Variants in TFB2M observed in about 807,000 individuals in gnomAD.
The protein encoded by TFB2M is transcription factor B2, mitochondrial.
TFB2M carries 44 observed loss-of-function variants against 41.3 expected under a neutral mutation model. The ratio of observed to expected loss-of-function variants is 1.07; its 90% confidence interval spans 0.84 to 1.37. The LOEUF is 1.37. TFB2M is among the 40% of genes most tolerant of loss of function. The pLI, the probability that TFB2M is intolerant of heterozygous loss-of-function variation, is 0.00. For synonymous variants in TFB2M, 188 were observed against 176.8 expected, an observed-to-expected ratio of 1.06 and a Z score of -0.50; for missense variants, 496 against 490.2, an observed-to-expected ratio of 1.01 and a Z score of -0.11.
chr1:246,540,855 C>A lies in TFB2M; in HGVS notation c.*176G>T. 1 of 490,202 alleles carries A rather than the reference C, an allele frequency of 2.0e-6. No homozygotes were observed. The highest frequency in any genetic ancestry group is 3.5e-6 in the Non-Finnish European group (1 of 282,388). The allele number at this position is 490,202 out of a possible 1,614,324, so 30.4% of individuals were successfully genotyped here. On this transcript the variant is annotated 3_prime_UTR_variant, in exon 8 of 8. Coordinates refer to ENST00000366514, the MANE Select transcript of TFB2M (RefSeq NM_022366.3). ...TTTTATTCAATTGTGAATAAAATAG[C>A]AGACACTGTTTCATCCAATAAGCCA...
intron 7 of TFB2M, 149 bp downstream of exon 7, chr1:246,544,372 C>T: frequency 1.4e-6 from 1 of 692,646 alleles, no homozygotes; most frequent in South Asian, 2.0e-5. Context: ...TCAAAATGTA[C>T]ACCAGGGAGA....
intron 6 of TFB2M, among the ~76,000 whole-genome samples, chr1:246,548,245 A>G (rs1401252345): frequency 6.6e-6 from 1 of 152,226 alleles, no homozygotes. Flanking sequence ...ATCGAATTAG[A>G]TAAATATTAA....
intron 7 of TFB2M, 107 bp from the exon 8 acceptor site, chr1:246,541,309 C>A: frequency 9.5e-7 from 1 of 1,057,760 alleles, no homozygotes; most frequent in South Asian, 1.6e-5. Flanking sequence ...CTAACTTAGG[C>A]ATACAGAGTG....
chr1:246,548,735 A>G, intron 5 of TFB2M, 128 bp from the exon 6 acceptor site: 2 of 698,652 alleles, frequency 2.9e-6, no homozygotes, highest in Non-Finnish European at 4.6e-6. Context: ...ATTTAAAAGA[A>G]ACATGTTATA....
chr1:246,545,745 G>C (rs1659001771), intron 6 of TFB2M, among the ~76,000 whole-genome samples: 1 of 147,152 alleles, frequency 6.8e-6, no homozygotes, highest in Non-Finnish European at 1.5e-5. Flanking sequence ...CTGCTGCGTG[G>C]AGTTTGCAGT....
intron 7 of TFB2M, among the ~76,000 whole-genome samples, chr1:246,543,220 A>C (rs1658911325): frequency 6.7e-6 from 1 of 149,154 alleles, no homozygotes; most frequent in Non-Finnish European, 1.5e-5. Context: ...CAGCTCATTC[A>C]GAGTTAAATA....
In TFB2M at chr1:246,540,842, G is replaced by A. The variant is rs1658832876; in HGVS notation, c.*189C>T. On this transcript the variant is annotated 3_prime_UTR_variant, in exon 8 of 8. Transcript: ENST00000366514. ...ATTGAAGTTTTCATTTTATTCAATT[G>A]TGAATAAAATAGCAGACACTGTTTC... is the stretch of plus-strand genomic sequence containing the variant. The A allele has an allele frequency of 2.1e-5, 10 of 477,076 alleles. No homozygotes were observed. In the South Asian group the frequency reaches 4.5e-4, roughly 21 times the overall value. The allele number at this position is 477,076 out of a possible 1,614,324, so 29.6% of individuals were successfully genotyped here.
intron 2 of TFB2M, among the ~76,000 whole-genome samples, chr1:246,558,950 T>C (rs1659390456): frequency 6.6e-6 from 1 of 152,110 alleles, no homozygotes; most frequent in Admixed American, 6.6e-5. Context: ...AAGAAGGCAT[T>C]ATGTTTTTAA....
At chr1:246,541,506 T>A (rs1259024988) in intron 7 of TFB2M, among the ~76,000 whole-genome samples, 2 of 152,130 alleles carry the variant, frequency 1.3e-5, no homozygotes, top group Non-Finnish European at 2.9e-5. Flanking sequence ...CCTAAGGCTA[T>A]TGAAATAAGA....
chr1:246,556,819 A>C, intron 3 of TFB2M, 98 bp from the exon 4 acceptor site: 1 of 1,014,362 alleles, frequency 9.9e-7, no homozygotes, highest in South Asian at 1.9e-5. Flanking sequence ...AAACTATATT[A>C]ATTTCAAGTT....
At chr1:246,565,369 ACT>A (rs1659596680) in intron 1 of TFB2M, among the ~76,000 whole-genome samples, 1 of 152,122 alleles carries the variant, frequency 6.6e-6, no homozygotes, top group Non-Finnish European at 1.5e-5. Context: ...AACGATACAG[ACT>A]CTACGCTTAT....
At chr1:246,557,680 T>C (rs2102989313) in intron 2 of TFB2M, 146 bp from the exon 3 acceptor site, 1 of 775,628 alleles carries the variant, frequency 1.3e-6, no homozygotes, top group Non-Finnish European at 1.9e-6. Context: ...TTTTGTTTTG[T>C]TTTGTTTTTG....
intron 1 of TFB2M, among the ~76,000 whole-genome samples, chr1:246,565,543 C>T (rs1490394338): frequency 6.6e-6 from 1 of 152,234 alleles, no homozygotes; most frequent in South Asian, 2.1e-4. Context: ...GAAATCCCGT[C>T]TCTAGTAAAA....
chr1:246,556,531 TAC>T (rs138568355), intron 4 of TFB2M, 40 bp downstream of exon 4: 19,383 of 1,385,098 alleles, frequency 0.014, 177 homozygotes, highest in Non-Finnish European at 0.016. Flanking sequence ...AGAGAAAAAT[TAC>T]AGACTCAGAA....
Position 246,551,271 on chromosome 1 carries a change from A to C in TFB2M, c.737T>G (p.Leu246Trp), listed in dbSNP as rs144706517. 6 of 1,613,800 alleles carry C rather than the reference A, an allele frequency of 3.7e-6. No individual in the cohort carries two copies. The highest frequency in any genetic ancestry group is 5.1e-6 in the Non-Finnish European group (6 of 1,179,674). ...CCAGATAACACTTAATACATGATAC[A>C]AGTCTGGATTTCCGGGATCTGCCAT... The part of the protein sequence containing the change: ...KLMADPGNPD[L>W]YHVLSVIWQL... The change falls in exon 5 of 8, where the codon TTG becomes TGG. Residue 246 changes from leucine to tryptophan, a missense_variant. Leu to Trp is a moderately conservative substitution (Grantham distance 61). Coordinates refer to ENST00000366514, the MANE Select transcript of TFB2M (RefSeq NM_022366.3).
chr1:246,565,297 C>T (rs1659591637), intron 1 of TFB2M, among the ~76,000 whole-genome samples: 1 of 152,188 alleles, frequency 6.6e-6, no homozygotes, highest in African/African-American at 2.4e-5. Context: ...GATCTAAGAG[C>T]ATGTTTTATC....
At chr1:246,561,469 GT>G (rs377763646) in intron 2 of TFB2M, among the ~76,000 whole-genome samples, 6 of 149,382 alleles carry the variant, frequency 4.0e-5, no homozygotes, top group East Asian at 2.0e-4. Context: ...TATCTTGAAG[GT>G]TTTTTTTTTC....
At chr1:246,542,350 C>T (rs1425106430) in intron 7 of TFB2M, among the ~76,000 whole-genome samples, 1 of 151,726 alleles carries the variant, frequency 6.6e-6, no homozygotes, top group Non-Finnish European at 1.5e-5. Flanking sequence ...AACAAACCAT[C>T]AATAAGCCTC....
rs563090217 is a variant in TFB2M at position 246,551,735 on chromosome 1, G to A, written c.706-433C>T. 2.2e-4 allele frequency among the ~76,000 whole-genome samples: 34 copies of A among 152,314 alleles called. 1 individual carries two copies. The highest frequency in any genetic ancestry group is 7.5e-4 in the African/African-American group (31 of 41,564). The stretch of plus-strand genomic sequence containing the variant: ...AGTGTTAAGGCTGACTTGAAAGGAC[G>A]AGGTTACCTCAACGAATGGGAAGGC... On this transcript the variant is annotated intron_variant, in intron 4 of 7. Transcript: ENST00000366514.
Sources: allele counts gnomAD v4.1 joint callset (sites outside exome capture counted in the v4.1 genomes callset), GRCh38; gene constraint gnomAD v4.1.1; transcripts MANE v1.5; gene names NCBI Gene and HGNC (gene_info 2026-07-23, HGNC 2026-07-21).